TBCK: variants seen among roughly 807,000 people sequenced by gnomAD.
The protein encoded by TBCK is TBC domain-containing protein kinase-like protein.
TBCK carries 99 observed loss-of-function variants against 113.4 expected under a neutral mutation model. The observed-to-expected ratio is 0.87, with a 90% CI of 0.74 to 1.03. The LOEUF (loss-of-function observed/expected upper bound fraction) is 1.03. Among genes scored for constraint, TBCK ranks in the 50% least tolerant of loss-of-function variants. The pLI is 0.00. For synonymous variants in TBCK, 369 were observed against 370.8 expected (o/e 1.00, Z 0.05); for missense variants, 1,045 against 1,061.3 (o/e 0.98, Z 0.21).
At chr4:106,114,856 C>T (rs1010534802) in intron 24 of TBCK, among the ~76,000 whole-genome samples, 28 of 152,248 alleles carry the variant, frequency 1.8e-4, no homozygotes, top group African/African-American at 6.7e-4. Flanking sequence ...AACTTCCAGA[C>T]TAGGGGTTCT....
chr4:106,241,790 T>TA (rs1413933303), intron 12 of TBCK, among the ~76,000 whole-genome samples: 2 of 151,806 alleles, frequency 1.3e-5, no homozygotes, highest in Non-Finnish European at 2.9e-5. Flanking sequence ...AGGAAATATA[T>TA]AAAAACATTA....
chr4:106,166,094 T>C (rs1750338067), intron 23 of TBCK, among the ~76,000 whole-genome samples: 1 of 151,780 alleles, frequency 6.6e-6, no homozygotes, highest in South Asian at 2.1e-4. Flanking sequence ...GAATTCTGAT[T>C]ATGCTAATTT....
chr4:106,234,645 A>G (rs1322086604), intron 15 of TBCK, among the ~76,000 whole-genome samples: 1 of 152,138 alleles, frequency 6.6e-6, no homozygotes, highest in Non-Finnish European at 1.5e-5. Flanking sequence ...TATCTATAAG[A>G]GAATATAAGA....
At chr4:106,102,019 C>T (rs1411270827) in intron 24 of TBCK, among the ~76,000 whole-genome samples, 1 of 152,164 alleles carries the variant, frequency 6.6e-6, no homozygotes, top group African/African-American at 2.4e-5. Context: ...ACAAATATAT[C>T]TGACTTGATT....
At chr4:106,283,759 A>T (rs111353083) in intron 3 of TBCK, among the ~76,000 whole-genome samples, 1 of 144,572 alleles carries the variant, frequency 6.9e-6, no homozygotes, top group Non-Finnish European at 1.5e-5. Flanking sequence ...CCTCTGGGGG[A>T]AAAAAAAAAA....
chr4:106,148,203 C>A (rs1377801224), intron 23 of TBCK, among the ~76,000 whole-genome samples: 1 of 152,218 alleles, frequency 6.6e-6, no homozygotes, highest in Non-Finnish European at 1.5e-5. Context: ...GTCCTGTGAT[C>A]TCACCCTGCC....
Position 106,068,109 on chromosome 4 carries a change from T to C in TBCK, c.2572-21429A>G, listed in dbSNP as rs562338332. Among the ~76,000 whole-genome samples, 12 of 152,264 alleles carry C rather than the reference T, an allele frequency of 7.9e-5. No homozygotes were observed. The South Asian group carries it at 8.3e-4, about 11-fold the overall frequency. On this transcript the variant is annotated intron_variant, in intron 25 of 25. Transcript: ENST00000394708. ...AAACAATTATTCCAACACATGAACA[T>C]GGGATGTCTATCTATTTAGATATTC...
In TBCK at chr4:106,233,059, T is replaced by C; in HGVS notation, c.1518A>G (p.Glu506=). 6.2e-7 allele frequency: 1 copy of C among 1,610,462 alleles called. No homozygotes were observed. The highest frequency in any genetic ancestry group is 8.5e-7 in the Non-Finnish European group (1 of 1,177,808). Residue 506 remains glutamate, a synonymous_variant, in exon 17 of 26, where the codon GAA becomes GAG. Transcript: ENST00000394708. The part of the protein sequence containing the change: ...DTPIPTDRQI[E]VDIPRCHQYD... ...ACTGATGACAGCGAGGAATATCCAC[T>C]TCAATCTGTTAAAATAGCAAAATAA...
At chr4:106,129,319 T>A (rs1229823152) in intron 23 of TBCK, among the ~76,000 whole-genome samples, 2 of 152,094 alleles carry the variant, frequency 1.3e-5, no homozygotes, top group East Asian at 3.9e-4. Flanking sequence ...CAGGCCCCAG[T>A]GTGTGTTGTT....
At chr4:106,054,095 AC>A (rs1271926954) in intron 25 of TBCK, among the ~76,000 whole-genome samples, 1 of 151,674 alleles carries the variant, frequency 6.6e-6, no homozygotes, top group Non-Finnish European at 1.5e-5. Context: ...ATTTCACATA[AC>A]CTGTCACAAA....
At chr4:106,153,831 T>C (rs78238847) in intron 23 of TBCK, among the ~76,000 whole-genome samples, 8,170 of 152,166 alleles carry the variant, frequency 0.054, 491 homozygotes, top group East Asian at 0.28. Flanking sequence ...TCTTAGAGTT[T>C]TTTTTTTCCT....
intron 24 of TBCK, among the ~76,000 whole-genome samples, chr4:106,103,912 C>T (rs1252578339): frequency 6.6e-6 from 1 of 152,192 alleles, no homozygotes. Flanking sequence ...CCAGGGGATA[C>T]TCCCCCACCC....
At chr4:106,196,565 T>C (rs761682828) in intron 20 of TBCK, among the ~76,000 whole-genome samples, 8 of 151,974 alleles carry the variant, frequency 5.3e-5, no homozygotes, top group Non-Finnish European at 1.2e-4. Context: ...AAAATCTAAG[T>C]ACTACATGTG....
chr4:106,153,163 T>A (rs1356748120), intron 23 of TBCK, among the ~76,000 whole-genome samples: 1 of 152,098 alleles, frequency 6.6e-6, no homozygotes, highest in East Asian at 1.9e-4. Context: ...AGGTTATTTA[T>A]TTGATGTTTT....
intron 4 of TBCK, among the ~76,000 whole-genome samples, chr4:106,260,996 G>C (rs1199839051): frequency 6.6e-6 from 1 of 151,938 alleles, no homozygotes. Flanking sequence ...TGGTGAATCT[G>C]CTAGATTTTC....
intron 12 of TBCK, among the ~76,000 whole-genome samples, chr4:106,240,344 C>A (rs1759954814): frequency 6.6e-6 from 1 of 150,698 alleles, no homozygotes; most frequent in African/African-American, 2.4e-5. Context: ...AGACGCTCAG[C>A]AAAAATAATG....
intron 3 of TBCK, among the ~76,000 whole-genome samples, chr4:106,289,878 T>G (rs1436329659): frequency 6.6e-6 from 1 of 152,212 alleles, no homozygotes; most frequent in East Asian, 1.9e-4. Flanking sequence ...TCTCAATCAG[T>G]AAAACTCCTT....
chr4:106,285,040 A>T, intron 3 of TBCK, among the ~76,000 whole-genome samples: 1 of 152,290 alleles, frequency 6.6e-6, no homozygotes, highest in South Asian at 2.1e-4. Context: ...TTCAAAAAAT[A>T]ATTTTGATCA....
chr4:106,230,894 G>C (rs775490366), intron 18 of TBCK, among the ~76,000 whole-genome samples: 13 of 151,796 alleles, frequency 8.6e-5, no homozygotes, highest in Non-Finnish European at 1.3e-4. Context: ...GTCAGTATGA[G>C]TGATCATTGG....
Sources: gnomAD v4.1 joint callset for allele counts (sites outside exome capture counted in the v4.1 genomes callset) on GRCh38, gnomAD v4.1.1 for gene constraint, MANE v1.5 for transcripts, NCBI Gene and HGNC (gene_info 2026-07-23, HGNC 2026-07-21) for gene names.